TEX11: variants seen among roughly 807,000 people sequenced by gnomAD.
The protein encoded by TEX11 is testis expressed 11.
Under a neutral mutation model 84.4 loss-of-function variants are expected in TEX11, and 7 were observed. The observed-to-expected ratio is 0.08, with a 90% CI of 0.05 to 0.16. TEX11 has a LOEUF of 0.16. Among genes scored for constraint, TEX11 ranks in the 10% least tolerant of loss-of-function variants. TEX11 has a pLI of 1.00. For missense variants in TEX11, 551 were observed against 660.5 expected (o/e 0.83, Z 1.82); for synonymous variants, 264 against 222.8 (o/e 1.18, Z -1.64).
intron 2 of TEX11, among the ~76,000 whole-genome samples, chrX:70,906,781 G>A (rs1312594535): frequency 1.3e-5 from 1 of 78,808 alleles, no homozygotes; most frequent in Non-Finnish European, 2.8e-5. Context: ...GAGCAAAACT[G>A]TCTCAACAAA....
At chrX:70,903,982 T>A in intron 2 of TEX11, among the ~76,000 whole-genome samples, 1 of 64,754 alleles carries the variant, frequency 1.5e-5, no homozygotes, top group Admixed American at 2.4e-4. Flanking sequence ...CATCCAGCTT[T>A]TTTTTTTTTT....
At chrX:70,770,923 T>C (rs1305138576) in intron 9 of TEX11, among the ~76,000 whole-genome samples, 2 of 111,020 alleles carry the variant, frequency 1.8e-5, no homozygotes, top group Non-Finnish European at 3.8e-5. Context: ...TCCTGACCAA[T>C]AGAAAGCAAC....
intron 16 of TEX11, among the ~76,000 whole-genome samples, chrX:70,658,739 T>G (rs1016130930): frequency 9.0e-6 from 1 of 111,298 alleles, no homozygotes; most frequent in African/African-American, 3.3e-5. Flanking sequence ...AGGGCATTTT[T>G]TTTTCATAAA....
At chrX:70,615,014 T>C (rs781287512) in intron 20 of TEX11, among the ~76,000 whole-genome samples, 3 of 111,079 alleles carry the variant, frequency 2.7e-5, no homozygotes, top group Non-Finnish European at 3.8e-5. Flanking sequence ...CTAATGCAGA[T>C]ACAGCTTAGA....
At chrX:70,624,958 T>A in intron 18 of TEX11, 34 bp from the exon 19 acceptor site, 1 of 1,008,963 alleles carries the variant, frequency 9.9e-7, no homozygotes. Context: ...TTAAATTACA[T>A]CTCAAAGTGA....
intron 13 of TEX11, among the ~76,000 whole-genome samples, chrX:70,685,022 A>G (rs1366638203): frequency 4.5e-5 from 5 of 112,042 alleles, no homozygotes; most frequent in Non-Finnish European, 9.4e-5. Flanking sequence ...ATAGCCAACT[A>G]GTATTTGACA....
At chrX:70,883,513 G>C (rs1260114164) in intron 2 of TEX11, among the ~76,000 whole-genome samples, 1 of 111,203 alleles carries the variant, frequency 9.0e-6, no homozygotes, top group Admixed American at 9.6e-5. Context: ...TTGAGCCTAG[G>C]AGGTTGAAAC....
chrX:70,882,041 A>G (rs1045380313), intron 2 of TEX11, among the ~76,000 whole-genome samples: 22 of 106,586 alleles, frequency 2.1e-4, no homozygotes, highest in Admixed American at 4.1e-4. Context: ...AAAAAAAAAA[A>G]AAAGAAAAAG....
chrX:70,893,361 A>G (rs993174035), intron 2 of TEX11, among the ~76,000 whole-genome samples: 1 of 112,078 alleles, frequency 8.9e-6, no homozygotes, highest in African/African-American at 3.2e-5. Context: ...AGGAAATCAT[A>G]ACAAACAGTC....
At chrX:70,798,252 A>C (rs1220138128) in intron 9 of TEX11, among the ~76,000 whole-genome samples, 2 of 111,214 alleles carry the variant, frequency 1.8e-5, no homozygotes, top group African/African-American at 6.5e-5. Context: ...ATAGTGTCAA[A>C]AAATAAAATA....
intron 16 of TEX11, among the ~76,000 whole-genome samples, chrX:70,668,810 A>C (rs1206279475): frequency 1.8e-5 from 2 of 112,039 alleles, no homozygotes; most frequent in Non-Finnish European, 3.8e-5. Context: ...ATTGCTTCCC[A>C]GTTTGGCTCC....
At chrX:70,683,560 T>A (rs2090163591) in intron 13 of TEX11, among the ~76,000 whole-genome samples, 1 of 111,355 alleles carries the variant, frequency 9.0e-6, no homozygotes, top group Non-Finnish European at 1.9e-5. Context: ...AGGTCAAGGC[T>A]GCAGTGGGCT....
At chrX:70,722,999 C>A (rs2090572215) in intron 12 of TEX11, among the ~76,000 whole-genome samples, 1 of 111,548 alleles carries the variant, frequency 9.0e-6, no homozygotes, top group East Asian at 2.8e-4. Context: ...TCAGACAGAT[C>A]TAAATTTGAA....
chrX:70,780,287 AAAGAC>A (rs2091029875), intron 9 of TEX11, among the ~76,000 whole-genome samples: 2 of 112,517 alleles, frequency 1.8e-5, no homozygotes, highest in Admixed American at 9.4e-5. Context: ...CACACAAAAA[AAAGAC>A]AAGACAAGAA....
chrX:70,786,407 C>T (rs1168277041), intron 9 of TEX11, among the ~76,000 whole-genome samples: 1 of 111,390 alleles, frequency 9.0e-6, no homozygotes, highest in Non-Finnish European at 1.9e-5. Context: ...CAACATGGCA[C>T]ATGTATACCT....
intron 9 of TEX11, among the ~76,000 whole-genome samples, chrX:70,768,733 G>A (rs1438247391): frequency 2.7e-5 from 3 of 111,504 alleles, no homozygotes; most frequent in Non-Finnish European, 3.8e-5. Flanking sequence ...ATTACAATTC[G>A]AGATGAGAGT....
At chrX:70,723,515 A>G (rs1170206206) in intron 12 of TEX11, among the ~76,000 whole-genome samples, 1 of 111,920 alleles carries the variant, frequency 8.9e-6, no homozygotes, top group Non-Finnish European at 1.9e-5. Flanking sequence ...GAGAAAAAAT[A>G]CTGAAAATAA....
At chrX:70,892,734 A>C (rs753333824) in intron 2 of TEX11, among the ~76,000 whole-genome samples, 1 of 106,308 alleles carries the variant, frequency 9.4e-6, no homozygotes, top group African/African-American at 3.4e-5. Context: ...CTTAGTCTCA[A>C]AAAAAAAAAA....
At chrX:70,811,124 C>T (rs1308861094) in intron 8 of TEX11, among the ~76,000 whole-genome samples, 1 of 111,092 alleles carries the variant, frequency 9.0e-6, no homozygotes, top group Non-Finnish European at 1.9e-5. Context: ...GTGCTGCACC[C>T]ATTAACTCAT....
Sources: gnomAD v4.1 joint callset for allele counts (sites outside exome capture counted in the v4.1 genomes callset) on GRCh38, gnomAD v4.1.1 for gene constraint, MANE v1.5 for transcripts, NCBI Gene and HGNC (gene_info 2026-07-23, HGNC 2026-07-21) for gene names.